Variants in DNAH7 observed in about 807,000 individuals in gnomAD.
DNAH7 encodes the protein dynein axonemal heavy chain 7.
Under a neutral mutation model 444.6 loss-of-function variants are expected in DNAH7, and 397 were observed. The observed-to-expected ratio is 0.89, with a 90% CI of 0.82 to 0.97. The LOEUF is 0.97. DNAH7 is among the 50% of genes least tolerant of loss of function. The pLI, the probability that DNAH7 is intolerant of heterozygous loss-of-function variation, is 0.00. For missense variants in DNAH7, 4,902 were observed against 4,800.8 expected (o/e 1.02, Z -0.62); for synonymous variants, 1,636 against 1,624.4 (o/e 1.01, Z -0.17).
chr2:195,987,295 C>T, intron 13 of DNAH7, 102 bp from the exon 14 acceptor site: 1 of 820,060 alleles, frequency 1.2e-6, no homozygotes, highest in Non-Finnish European at 1.8e-6. Context: ...TGTGATGTAA[C>T]AAGATTGAGA....
chr2:195,818,795 G>A (rs1047816763), intron 49 of DNAH7, among the ~76,000 whole-genome samples: 1 of 151,968 alleles, frequency 6.6e-6, no homozygotes, highest in Non-Finnish European at 1.5e-5. Context: ...CTTGACCTTG[G>A]CTTCATTTGA....
At chr2:196,063,956 G>T (rs954634710) in intron 1 of DNAH7, 1 of 152,230 alleles carries the variant, frequency 6.6e-6, no homozygotes, top group African/African-American at 2.4e-5. Flanking sequence ...CTTGGGTTTG[G>T]CTGCCATGCC....
intron 24 of DNAH7, among the ~76,000 whole-genome samples, chr2:195,915,667 C>T (rs1463753624): frequency 6.6e-6 from 1 of 152,168 alleles, no homozygotes; most frequent in Non-Finnish European, 1.5e-5. Context: ...GAGGTCAAAT[C>T]CTGACATAAA....
intron 24 of DNAH7, 103 bp downstream of exon 24, chr2:195,921,985 C>T (rs1688054830): frequency 1.0e-5 from 7 of 678,626 alleles, no homozygotes; most frequent in Non-Finnish European, 1.8e-5. Context: ...ATAACACAGG[C>T]TAAATTAACA....
intron 49 of DNAH7, among the ~76,000 whole-genome samples, chr2:195,819,752 T>G (rs1330915389): frequency 6.6e-6 from 1 of 152,062 alleles, no homozygotes; most frequent in Non-Finnish European, 1.5e-5. Context: ...GAGCTAAAAC[T>G]TAAGCGTGAT....
intron 25 of DNAH7, among the ~76,000 whole-genome samples, chr2:195,908,602 C>T (rs1687177502): frequency 6.6e-6 from 1 of 152,088 alleles, no homozygotes; most frequent in Non-Finnish European, 1.5e-5. Flanking sequence ...CCGCAAAAGA[C>T]ATGATTTCAT....
intron 3 of DNAH7, among the ~76,000 whole-genome samples, chr2:196,048,791 TA>T (rs59990266): frequency 0.48 from 72,962 of 152,008 alleles, 20,229 homozygotes; most frequent in South Asian, 0.63. Context: ...TAAACCACCC[TA>T]GATTGCTCTG....
intron 63 of DNAH7, among the ~76,000 whole-genome samples, chr2:195,741,333 C>A (rs184949786): frequency 6.6e-6 from 1 of 152,144 alleles, no homozygotes; most frequent in East Asian, 1.9e-4. Flanking sequence ...TGCTCCTCCC[C>A]TTTTAGAATT....
intron 15 of DNAH7, among the ~76,000 whole-genome samples, chr2:195,980,405 A>G (rs1398583842): frequency 7.9e-5 from 12 of 151,804 alleles, no homozygotes. Flanking sequence ...TGAGTCAATT[A>G]AACCTCTTTC....
In DNAH7 at chr2:195,872,330, G is replaced by C. The variant is rs377517600; in HGVS notation, c.6553C>G (p.Arg2185Gly). 4.8e-5 allele frequency: 77 copies of C among 1,613,726 alleles called. No individual in the cohort carries two copies. Among genetic ancestry groups the C allele is most frequent in the Non-Finnish European group, 6.3e-5 (74 of 1,179,924 alleles). Residue 2185 changes from arginine to glycine, a missense_variant, in exon 40 of 65, where the codon CGT becomes GGT. Physicochemically the swap from Arg to Gly is moderately radical, Grantham distance 125. Coordinates refer to ENST00000312428, the MANE Select transcript of DNAH7 (RefSeq NM_018897.3). ...HYLFNLRDFS[R>G]VIQGVCLSRP... is the part of the protein sequence containing the mutation. The stretch of plus-strand genomic sequence containing the variant: ...GACAAACAAACACCTTGAATGACAC[G>C]GGAGAAATCACGGAGGTTGAACAAG...
At chr2:195,905,848 T>C (rs1052809351) in intron 27 of DNAH7, 2 of 152,134 alleles carry the variant, frequency 1.3e-5, no homozygotes, top group African/African-American at 4.8e-5. Flanking sequence ...GAAAATCATT[T>C]CAACCTGTCT....
intron 8 of DNAH7, among the ~76,000 whole-genome samples, chr2:196,021,519 T>A (rs1039933913): frequency 3.3e-5 from 5 of 152,034 alleles, no homozygotes; most frequent in Non-Finnish European, 7.4e-5. Flanking sequence ...TGGCATTATA[T>A]CTTTAAAATA....
Position 195,950,868 on chromosome 2 carries a change from A to AAC in DNAH7, c.3078+6392_3078+6393insGT, listed in dbSNP as rs1690194043. On this transcript the variant is annotated intron_variant, in intron 19 of 64. Coordinates refer to ENST00000312428, the MANE Select transcript of DNAH7 (RefSeq NM_018897.3). ...CTCTGTCTCAAAAAAAAAAAAAAAA[A>AAC]AAAAAAAAAAACCCAGCTCCTGGAT... Among the ~76,000 whole-genome samples, 2 of 138,152 alleles carry AAC rather than the reference A, an allele frequency of 1.4e-5. 1 individual carries two copies. Among genetic ancestry groups the AAC allele is most frequent in the African/African-American group, 5.8e-5 (2 of 34,768 alleles). The allele number at this position is 138,152 out of a possible 152,430, so 90.6% of individuals were successfully genotyped here. A position where few individuals can be genotyped will look rare whatever the true frequency, so the allele number is the denominator to read the frequency against.
chr2:195,752,774 T>A (rs1693864429), intron 63 of DNAH7, among the ~76,000 whole-genome samples: 1 of 152,126 alleles, frequency 6.6e-6, no homozygotes, highest in Non-Finnish European at 1.5e-5. Context: ...TAAAAATCAC[T>A]AAGAGGTTAA....
intron 27 of DNAH7, chr2:195,901,595 G>C (rs1271180636): frequency 1.3e-5 from 2 of 152,106 alleles, no homozygotes; most frequent in East Asian, 3.8e-4. Flanking sequence ...CATCTGGGCT[G>C]CTGAGTGTCC....
chr2:195,883,779 A>G (rs577984559), intron 35 of DNAH7, among the ~76,000 whole-genome samples: 24 of 152,280 alleles, frequency 1.6e-4, no homozygotes, highest in African/African-American at 5.1e-4. Flanking sequence ...AAAATCCAAA[A>G]AGCAATACAG....
chr2:195,791,715 T>C (rs1210493029), intron 57 of DNAH7, among the ~76,000 whole-genome samples: 1 of 152,198 alleles, frequency 6.6e-6, no homozygotes, highest in Non-Finnish European at 1.5e-5. Context: ...TGGCATACTA[T>C]GCAGCCATAA....
At chr2:196,033,336 T>C (rs913275261) in intron 5 of DNAH7, among the ~76,000 whole-genome samples, 1 of 152,180 alleles carries the variant, frequency 6.6e-6, no homozygotes, top group Admixed American at 6.5e-5. Flanking sequence ...CTCAAAGATT[T>C]TGAAATGCAC....
At chr2:195,871,471 G>C (rs897170526) in intron 40 of DNAH7, among the ~76,000 whole-genome samples, 3 of 151,806 alleles carry the variant, frequency 2.0e-5, no homozygotes, top group African/African-American at 7.3e-5. Flanking sequence ...CTTCTTATAA[G>C]AAAATGCTCA....
Sources: allele counts gnomAD v4.1 joint callset (sites outside exome capture counted in the v4.1 genomes callset), GRCh38; gene constraint gnomAD v4.1.1; transcripts MANE v1.5; gene names NCBI Gene and HGNC (gene_info 2026-07-23, HGNC 2026-07-21).